ITGBL1: variants seen among roughly 807,000 people sequenced by gnomAD.
ITGBL1 encodes integrin subunit beta like 1, also known as integrin beta-like protein 1.
In ITGBL1, 51 loss-of-function variants were observed where a neutral mutation model predicts 68.5. The observed-to-expected ratio is 0.74, with a 90% CI of 0.59 to 0.94. The LOEUF (loss-of-function observed/expected upper bound fraction) is 0.94. ITGBL1 is among the 40% of genes least tolerant of loss of function. ITGBL1 has a pLI of 0.00. For synonymous variants in ITGBL1, 209 were observed against 227.3 expected (o/e 0.92, Z 0.72); for missense variants, 649 against 647.4 (o/e 1.00, Z -0.03).
At chr13:101,490,654 G>A (rs1566698906) in intron 2 of ITGBL1, among the ~76,000 whole-genome samples, 1 of 152,166 alleles carries the variant, frequency 6.6e-6, no homozygotes, top group Non-Finnish European at 1.5e-5. Context: ...AGCTTCTGAA[G>A]ACAGGAAATT....
chr13:101,683,370 A>G (rs76443768), intron 7 of ITGBL1, among the ~76,000 whole-genome samples: 3,827 of 152,106 alleles, frequency 0.025, 76 homozygotes, highest in Non-Finnish European at 0.038. Flanking sequence ...ACTCTACATT[A>G]TGTTCTTGAG....
chr13:101,531,650 A>G (rs1165369381), intron 2 of ITGBL1, among the ~76,000 whole-genome samples: 1 of 148,924 alleles, frequency 6.7e-6, no homozygotes, highest in African/African-American at 2.5e-5. Flanking sequence ...TAGTTTAGGT[A>G]TTTTATTAGT....
chr13:101,474,520 A>AGTT (rs1469997360), intron 2 of ITGBL1, among the ~76,000 whole-genome samples: 59 of 152,248 alleles, frequency 3.9e-4, no homozygotes, highest in African/African-American at 1.3e-3. Context: ...GAGGAACACA[A>AGTT]TCCTGGCTCA....
intron 9 of ITGBL1, chr13:101,712,865 G>A (rs1285640563): frequency 6.6e-6 from 1 of 152,130 alleles, no homozygotes; most frequent in Non-Finnish European, 1.5e-5. Context: ...GAGACCACAA[G>A]GGAACCAGCA....
At chr13:101,605,858 GTA>G (rs962035254) in intron 7 of ITGBL1, among the ~76,000 whole-genome samples, 15 of 149,876 alleles carry the variant, frequency 1.0e-4, no homozygotes, top group African/African-American at 2.9e-4. Context: ...ATGTATGTGT[GTA>G]TATGTGTATA....
chr13:101,541,737 A>G lies in ITGBL1; in HGVS notation c.317-25962A>G, dbSNP rs143691335. ...AATTATTGCCTCAATTTCAGAGCCT[A>G]TTATTGGTCTCTTCAGAGATTCAAC... On this transcript the variant is annotated intron_variant, in intron 2 of 10. Coordinates refer to ENST00000376180, the MANE Select transcript of ITGBL1 (RefSeq NM_004791.3). Among the ~76,000 whole-genome samples, 1,242 of 152,090 alleles carry G rather than the reference A, an allele frequency of 8.2e-3. 16 individuals carry two copies. Among genetic ancestry groups the G allele is most frequent in the African/African-American group, 0.028 (1,147 of 41,500 alleles).
intron 2 of ITGBL1, among the ~76,000 whole-genome samples, chr13:101,509,362 T>C (rs1309470354): frequency 6.6e-6 from 1 of 152,154 alleles, no homozygotes; most frequent in Non-Finnish European, 1.5e-5. Flanking sequence ...AAGATGAGAT[T>C]TGGGTGGGGA....
chr13:101,606,174 T>TTTTATATA (rs1555361918), intron 7 of ITGBL1, among the ~76,000 whole-genome samples: 2 of 138,044 alleles, frequency 1.4e-5, no homozygotes, highest in African/African-American at 5.4e-5. Context: ...ATTAGGATTT[T>TTTTATATA]TATATATATA....
At chr13:101,534,384 T>C (rs561733609) in intron 2 of ITGBL1, among the ~76,000 whole-genome samples, 2 of 152,276 alleles carry the variant, frequency 1.3e-5, no homozygotes, top group South Asian at 4.1e-4. Context: ...TAGGAATGGT[T>C]TTAGGTTGAG....
intron 2 of ITGBL1, among the ~76,000 whole-genome samples, chr13:101,480,044 C>G (rs1278837403): frequency 1.3e-5 from 2 of 152,002 alleles, no homozygotes; most frequent in African/African-American, 2.4e-5. Context: ...TATTCACTAT[C>G]ACAAAAGACT....
Position 101,518,598 on chromosome 13 carries a change from T to C in ITGBL1, c.317-49101T>C, listed in dbSNP as rs936237630. Among the ~76,000 whole-genome samples, 7 of 152,314 alleles carry C rather than the reference T, an allele frequency of 4.6e-5. No homozygotes were observed. In the East Asian group the frequency reaches 1.3e-3, roughly 29 times the overall value. On this transcript the variant is annotated intron_variant, in intron 2 of 10. Transcript: ENST00000376180. The stretch of plus-strand genomic sequence containing the variant: ...CAATTCAAGGGGAGAAAAAGAACAG[T>C]ATATTGATTAGCACCATTACTGAGG...
intron 2 of ITGBL1, among the ~76,000 whole-genome samples, chr13:101,478,253 A>C (rs1243831271): frequency 6.6e-6 from 1 of 151,854 alleles, no homozygotes; most frequent in African/African-American, 2.4e-5. Context: ...ATTTCAGTTG[A>C]TACTGAAAAA....
intron 6 of ITGBL1, among the ~76,000 whole-genome samples, chr13:101,587,078 G>A (rs1328881966): frequency 1.3e-5 from 2 of 151,954 alleles, no homozygotes; most frequent in Non-Finnish European, 2.9e-5. Flanking sequence ...TGAGAGTTTT[G>A]GTCTTATTTA....
intron 2 of ITGBL1, among the ~76,000 whole-genome samples, chr13:101,461,538 T>G (rs926154836): frequency 3.3e-5 from 5 of 152,040 alleles, no homozygotes; most frequent in African/African-American, 1.2e-4. Flanking sequence ...TACTAAAAAT[T>G]TTTTAAAAAT....
chr13:101,520,675 G>T (rs756801567), intron 2 of ITGBL1, among the ~76,000 whole-genome samples: 2 of 152,142 alleles, frequency 1.3e-5, no homozygotes, highest in Non-Finnish European at 2.9e-5. Flanking sequence ...ACCCTGCAAG[G>T]CTGCCTCGCT....
intron 7 of ITGBL1, among the ~76,000 whole-genome samples, chr13:101,633,551 G>A (rs2032061251): frequency 1.3e-5 from 2 of 152,154 alleles, no homozygotes; most frequent in Non-Finnish European, 2.9e-5. Context: ...CAAGTGGAAT[G>A]TGAGTCTGAC....
intron 8 of ITGBL1, among the ~76,000 whole-genome samples, chr13:101,702,313 T>G (rs902490091): frequency 6.6e-6 from 1 of 152,206 alleles, no homozygotes; most frequent in African/African-American, 2.4e-5. Context: ...AGCCAACTTT[T>G]GTTTTATTGA....
chr13:101,551,436 A>G (rs1288618423), intron 2 of ITGBL1, among the ~76,000 whole-genome samples: 1 of 152,184 alleles, frequency 6.6e-6, no homozygotes, highest in African/African-American at 2.4e-5. Flanking sequence ...AAGAACCAGA[A>G]GGCAAAGAAG....
At chr13:101,489,842 A>G in intron 2 of ITGBL1, 1 of 636,388 alleles carries the variant, frequency 1.6e-6, no homozygotes, top group Non-Finnish European at 2.8e-6. Flanking sequence ...AATAGCATTC[A>G]GTTTGTCTGA....
Sources: gnomAD v4.1 joint callset for allele counts (sites outside exome capture counted in the v4.1 genomes callset) on GRCh38, gnomAD v4.1.1 for gene constraint, MANE v1.5 for transcripts, NCBI Gene and HGNC (gene_info 2026-07-23, HGNC 2026-07-21) for gene names.